PIGU: variants seen among roughly 807,000 people sequenced by gnomAD.
PIGU encodes phosphatidylinositol glycan anchor biosynthesis class U.
A neutral mutation model predicts 49.9 loss-of-function variants in PIGU; 24 were observed. The observed-to-expected ratio is 0.48, with a 90% CI of 0.35 to 0.68. PIGU has a LOEUF of 0.68. Ranked by LOEUF, PIGU falls within the 30% of genes least tolerant of loss-of-function variation. PIGU has a pLI of 0.01. For synonymous variants in PIGU, 220 were observed against 205.7 expected, an observed-to-expected ratio of 1.07 and a Z score of -0.59; for missense variants, 490 against 532.6, an observed-to-expected ratio of 0.92 and a Z score of 0.79.
At chr20:34,676,908 C>T (rs1568672768) in intron 1 of PIGU, 48 bp downstream of exon 1, 1 of 1,553,084 alleles carries the variant, frequency 6.4e-7, no homozygotes, top group South Asian at 1.2e-5. Context: ...ACAGAGGCCG[C>T]GGGAGGGCAG....
chr20:34,650,700 CTTTTTTTTTTTTTTTT>C (rs59998699), intron 2 of PIGU, among the ~76,000 whole-genome samples: 9 of 38,778 alleles, frequency 2.3e-4, no homozygotes, highest in East Asian at 1.8e-3. Flanking sequence ...CTTTTTTTCT[CTTTTTTTTTTTTTTTT>C]TTTTTTTTTT....
intron 1 of PIGU, among the ~76,000 whole-genome samples, chr20:34,665,737 G>A (rs1568666331): frequency 6.6e-6 from 1 of 151,962 alleles, no homozygotes; most frequent in South Asian, 2.1e-4. Context: ...ACTGTGACCT[G>A]GTCTGCAGTG....
At chr20:34,670,948 T>C (rs947043836) in intron 1 of PIGU, among the ~76,000 whole-genome samples, 5 of 152,250 alleles carry the variant, frequency 3.3e-5, no homozygotes, top group African/African-American at 1.2e-4. Flanking sequence ...ACTGTCAATC[T>C]TTGGGTGAAA....
At chr20:34,582,178 G>C (rs1983504961) in intron 9 of PIGU, among the ~76,000 whole-genome samples, 1 of 152,210 alleles carries the variant, frequency 6.6e-6, no homozygotes, top group African/African-American at 2.4e-5. Flanking sequence ...CTTCTTTCCA[G>C]GAAGAGAACT....
At chr20:34,654,037 T>C (rs989838818) in intron 2 of PIGU, among the ~76,000 whole-genome samples, 10 of 140,982 alleles carry the variant, frequency 7.1e-5, no homozygotes, top group African/African-American at 2.6e-4. Context: ...TTTTGTATTT[T>C]TAGTAGAGAC....
intron 10 of PIGU, among the ~76,000 whole-genome samples, chr20:34,579,830 C>T (rs1983387578): frequency 6.6e-6 from 1 of 152,210 alleles, no homozygotes; most frequent in South Asian, 2.1e-4. Flanking sequence ...TATGTTTATT[C>T]TGATGACTCT....
chr20:34,657,927 C>T (rs1360825495), intron 1 of PIGU, among the ~76,000 whole-genome samples: 5 of 148,578 alleles, frequency 3.4e-5, no homozygotes, highest in Admixed American at 3.3e-4. Flanking sequence ...TAATAAATAA[C>T]CTCTCCCTCT....
chr20:34,648,077 C>G (rs1008757582), intron 2 of PIGU, among the ~76,000 whole-genome samples: 1 of 151,972 alleles, frequency 6.6e-6, no homozygotes, highest in Non-Finnish European at 1.5e-5. Flanking sequence ...TAGTGGAACC[C>G]TGCCTCTACA....
At position 34,560,597 on chromosome 20, in the gene PIGU, C is replaced by G. The variant is rs543195895; in HGVS notation, c.*269G>C. On this transcript the variant is annotated 3_prime_UTR_variant, in exon 12 of 12. Transcript: ENST00000217446. ...TAGCCACAATCTAACAAGCCCTGCT[C>G]ACCTGCCTCTTCTCCTTCCTGTCTG... The G allele has an allele frequency of 2.3e-6, 1 of 435,022 alleles. No homozygotes were observed. Among genetic ancestry groups the G allele is most frequent in the East Asian group, 3.6e-5 (1 of 27,472 alleles). 26.9% of individuals were successfully genotyped at this position (435,022 alleles called of 1,614,324 possible). A position where few individuals can be genotyped will look rare whatever the true frequency, so the allele number is the denominator to read the frequency against.
intron 5 of PIGU, among the ~76,000 whole-genome samples, chr20:34,636,962 A>G (rs1281404079): frequency 6.6e-6 from 1 of 152,220 alleles, no homozygotes; most frequent in African/African-American, 2.4e-5. Flanking sequence ...AGAGATTCAT[A>G]AAGTTGCTAA....
chr20:34,565,497 T>G (rs187100135), intron 11 of PIGU, among the ~76,000 whole-genome samples: 8 of 151,948 alleles, frequency 5.3e-5, no homozygotes, highest in African/African-American at 1.7e-4. Flanking sequence ...CCAGACCTCA[T>G]GATCCGCCCA....
chr20:34,620,234 C>T (rs1339130357), intron 6 of PIGU, among the ~76,000 whole-genome samples: 1 of 152,222 alleles, frequency 6.6e-6, no homozygotes, highest in African/African-American at 2.4e-5. Flanking sequence ...CACCTCTCAC[C>T]ACTCTTCCAC....
chr20:34,569,450 C>T (rs755746066), intron 11 of PIGU, among the ~76,000 whole-genome samples: 16 of 152,032 alleles, frequency 1.1e-4, no homozygotes, highest in Admixed American at 7.9e-4. Context: ...AGGCTGTTCT[C>T]GAACTCCTAA....
chr20:34,658,429 G>A (rs1986786647), intron 1 of PIGU, among the ~76,000 whole-genome samples: 1 of 152,230 alleles, frequency 6.6e-6, no homozygotes, highest in South Asian at 2.1e-4. Flanking sequence ...TCTGGGAAGT[G>A]AGGAGCATCT....
At chr20:34,571,927 G>A (rs1410917678) in intron 11 of PIGU, among the ~76,000 whole-genome samples, 1 of 152,200 alleles carries the variant, frequency 6.6e-6, no homozygotes, top group African/African-American at 2.4e-5. Context: ...GATGCACCCT[G>A]TTAGTGACCT....
At chr20:34,658,231 GTGA>G in intron 1 of PIGU, among the ~76,000 whole-genome samples, 1 of 152,384 alleles carries the variant, frequency 6.6e-6, no homozygotes, top group South Asian at 2.1e-4. Flanking sequence ...CTAACCGCGA[GTGA>G]TCCGCCAACC....
At chr20:34,568,523 T>C (rs1316849567) in intron 11 of PIGU, among the ~76,000 whole-genome samples, 1 of 152,064 alleles carries the variant, frequency 6.6e-6, no homozygotes, top group African/African-American at 2.4e-5. Context: ...GGAAGAAACC[T>C]GAAATGGGTC....
chr20:34,594,729 G>A (rs983021423), intron 7 of PIGU, among the ~76,000 whole-genome samples: 42 of 152,074 alleles, frequency 2.8e-4, no homozygotes, highest in Admixed American at 2.5e-3. Flanking sequence ...AGCCAAGATC[G>A]TGCTATTGCA....
intron 11 of PIGU, among the ~76,000 whole-genome samples, chr20:34,574,303 T>C (rs950855555): frequency 6.6e-6 from 1 of 152,202 alleles, no homozygotes; most frequent in African/African-American, 2.4e-5. Flanking sequence ...CCACATTGAA[T>C]CAACATTTCT....
Sources: allele counts gnomAD v4.1 joint callset (sites outside exome capture counted in the v4.1 genomes callset), GRCh38; gene constraint gnomAD v4.1.1; transcripts MANE v1.5; gene names NCBI Gene and HGNC (gene_info 2026-07-23, HGNC 2026-07-21).